CAPN8: variants seen among roughly 807,000 people sequenced by gnomAD.
CAPN8 encodes calpain-8.
CAPN8 carries 87 observed loss-of-function variants against 80.9 expected under a neutral mutation model. That is an observed-to-expected ratio of 1.07 (90% CI 0.90 to 1.28). The LOEUF is 1.28. CAPN8 is among the 50% of genes most tolerant of loss of function. The pLI, the probability that CAPN8 is intolerant of heterozygous loss-of-function variation, is 0.00. For synonymous variants in CAPN8, 299 were observed against 273.8 expected, an observed-to-expected ratio of 1.09 and a Z score of -0.91; for missense variants, 757 against 702.0, an observed-to-expected ratio of 1.08 and a Z score of -0.89.
At chr1:223,645,686 G>A (rs538271630) in intron 2 of CAPN8, among the ~76,000 whole-genome samples, 1 of 152,244 alleles carries the variant, frequency 6.6e-6, no homozygotes, top group East Asian at 1.9e-4. Context: ...CCCACTATAG[G>A]GCACAAGGCT....
At chr1:223,548,043 C>T (rs61823558) in intron 16 of CAPN8, among the ~76,000 whole-genome samples, 71,034 of 152,034 alleles carry the variant, frequency 0.47, 17,771 homozygotes, top group Admixed American at 0.56. Flanking sequence ...GGATCAGCCA[C>T]GCAGAGGTGG....
intron 2 of CAPN8, among the ~76,000 whole-genome samples, chr1:223,634,063 T>C (rs1377614418): frequency 6.6e-6 from 1 of 152,034 alleles, no homozygotes; most frequent in Non-Finnish European, 1.5e-5. Flanking sequence ...CATTCAGGAA[T>C]CCAGAAGCAG....
chr1:223,548,642 A>G (rs571470949), intron 16 of CAPN8, among the ~76,000 whole-genome samples: 1 of 152,308 alleles, frequency 6.6e-6, no homozygotes, highest in African/African-American at 2.4e-5. Context: ...GCCCTTATCC[A>G]CCACAAAATC....
In CAPN8 at chr1:223,628,156, A is replaced by T; in HGVS notation, c.427-14T>A. On this transcript the variant is annotated splice_polypyrimidine_tract_variant and intron_variant, in intron 3 of 20. Transcript: ENST00000366872. ...GTACTGCCAGAACTGGGGAGGGGGG[A>T]CACAGCGGCTGCTCACATGAATAAG... is the stretch of plus-strand genomic sequence containing the variant. The T allele has an allele frequency of 6.5e-7, 1 of 1,532,750 alleles. No homozygotes were observed. 94.9% of individuals were successfully genotyped at this position (1,532,750 alleles called of 1,614,324 possible). A position where few individuals can be genotyped will look rare whatever the true frequency, so the allele number is the denominator to read the frequency against.
chr1:223,556,273 C>T (rs1656904978), intron 13 of CAPN8, among the ~76,000 whole-genome samples: 4 of 152,148 alleles, frequency 2.6e-5, no homozygotes, highest in African/African-American at 9.7e-5. Flanking sequence ...AGTACTGAGT[C>T]CCCTGAGGAC....
At chr1:223,649,326 T>A (rs994978423) in intron 2 of CAPN8, among the ~76,000 whole-genome samples, 1 of 152,226 alleles carries the variant, frequency 6.6e-6, no homozygotes, top group Admixed American at 6.5e-5. Flanking sequence ...GCATGGCAGG[T>A]AGAGTTAGCA....
chr1:223,643,111 T>C (rs1456142454), intron 2 of CAPN8, among the ~76,000 whole-genome samples: 3 of 152,172 alleles, frequency 2.0e-5, no homozygotes, highest in Admixed American at 2.0e-4. Context: ...AAGACAAAAA[T>C]GCTAGAAGCC....
chr1:223,658,995 T>A (rs1024941631), intron 1 of CAPN8, among the ~76,000 whole-genome samples: 19 of 152,216 alleles, frequency 1.2e-4, no homozygotes, highest in African/African-American at 4.6e-4. Context: ...GCCTGCCACC[T>A]ACCCACACTT....
At chr1:223,643,048 G>T (rs1658085399) in intron 2 of CAPN8, among the ~76,000 whole-genome samples, 2 of 152,208 alleles carry the variant, frequency 1.3e-5, no homozygotes, top group African/African-American at 4.8e-5. Flanking sequence ...GTGTTTCAAG[G>T]GAAAGCGGCT....
chr1:223,632,207 G>A (rs1558349115), intron 2 of CAPN8, among the ~76,000 whole-genome samples: 1 of 152,202 alleles, frequency 6.6e-6, no homozygotes, highest in Non-Finnish European at 1.5e-5. Flanking sequence ...TGCATGAAGT[G>A]TGAATGGATT....
intron 13 of CAPN8, among the ~76,000 whole-genome samples, chr1:223,555,053 A>C (rs1458048369): frequency 6.6e-6 from 1 of 152,250 alleles, no homozygotes; most frequent in Non-Finnish European, 1.5e-5. Context: ...GGCCCAATAT[A>C]GCTTGATGAT....
intron 2 of CAPN8, among the ~76,000 whole-genome samples, chr1:223,638,352 C>A (rs1657964017): frequency 6.6e-6 from 1 of 151,700 alleles, no homozygotes. Context: ...CGAGGGAAGA[C>A]TGTATGGGGT....
intron 12 of CAPN8, among the ~76,000 whole-genome samples, 186 bp from the exon 13 acceptor site, chr1:223,558,353 C>T (rs36187400): frequency 0.066 from 10,102 of 152,264 alleles, 448 homozygotes; most frequent in Admixed American, 0.14. Flanking sequence ...TCCTCAACCT[C>T]CACCCCACCC....
chr1:223,624,750 T>A (rs1210227821), intron 6 of CAPN8, among the ~76,000 whole-genome samples: 12 of 150,684 alleles, frequency 8.0e-5, no homozygotes, highest in Non-Finnish European at 3.0e-5. Context: ...AATAAAATCA[T>A]TGTAAGCCAC....
intron 2 of CAPN8, among the ~76,000 whole-genome samples, chr1:223,650,855 T>G (rs548868133): frequency 5.3e-5 from 8 of 152,320 alleles, no homozygotes; most frequent in African/African-American, 1.2e-4. Flanking sequence ...CTATATTCAT[T>G]GGACAAAGTC....
At position 223,620,177 on chromosome 1, in the gene CAPN8, A is replaced by C. The variant is rs1248733954; in HGVS notation, c.974+15T>G. The C allele has an allele frequency of 2.6e-6, 4 of 1,551,150 alleles. No individual in the cohort carries two copies. The highest frequency in any genetic ancestry group is 3.5e-6 in the Non-Finnish European group (4 of 1,146,474). ...ATCACCAATGGGACAGCGCTTCAGC[A>C]GAAAACTCTCTCACCAGAATTCTCC... On this transcript the variant is annotated intron_variant, in intron 8 of 20. Transcript: ENST00000366872.
chr1:223,654,140 T>G (rs927852518), intron 2 of CAPN8, among the ~76,000 whole-genome samples, 190 bp downstream of exon 2: 1 of 152,138 alleles, frequency 6.6e-6, no homozygotes, highest in Non-Finnish European at 1.5e-5. Context: ...GTTCCAGCAT[T>G]TGGACCTACA....
At position 223,665,525 on chromosome 1, in the gene CAPN8, TCCAA is replaced by T; in HGVS notation, c.118_121del (p.Leu40ThrfsTer62). ...AGGGTCCTTAAATAGGACCCCTGAGTCCAAGCACTGTTGCCTCAGGGTCTTGAAA... is the reference window on the plus strand; with the variant it reads ...AGGGTCCTTAAATAGGACCCCTGAGTGCACTGTTGCCTCAGGGTCTTGAAA... On this transcript the variant is annotated frameshift_variant, in exon 1 of 21. Transcript: ENST00000366872. LOFTEE classifies it high-confidence loss of function. The T allele has an allele frequency of 6.4e-7, 1 of 1,551,628 alleles. No individual in the cohort carries two copies. The highest frequency in any genetic ancestry group is 8.7e-7 in the Non-Finnish European group (1 of 1,146,972).
intron 2 of CAPN8, among the ~76,000 whole-genome samples, chr1:223,650,898 C>T (rs1055582153): frequency 6.6e-6 from 1 of 152,174 alleles, no homozygotes; most frequent in African/African-American, 2.4e-5. Flanking sequence ...TCAAGATGCT[C>T]TGAGACGTGC....
Sources: allele counts gnomAD v4.1 joint callset (sites outside exome capture counted in the v4.1 genomes callset), GRCh38; gene constraint gnomAD v4.1.1; transcripts MANE v1.5; gene names NCBI Gene and HGNC (gene_info 2026-07-23, HGNC 2026-07-21).